Variants in PTH2R observed in about 807,000 individuals in gnomAD.
PTH2R encodes parathyroid hormone 2 receptor, also known as PTH2 receptor.
Under a neutral mutation model 60.3 loss-of-function variants are expected in PTH2R, and 59 were observed. The ratio of observed to expected loss-of-function variants is 0.98; its 90% CI spans 0.79 to 1.22. PTH2R has a LOEUF of 1.22. Ranked by LOEUF, PTH2R falls within the 50% of genes most tolerant of loss-of-function variation. The pLI is 0.00. For missense variants in PTH2R, 749 were observed against 682.6 expected, an observed-to-expected ratio of 1.10 and a Z score of -1.08; for synonymous variants, 256 against 243.8, an observed-to-expected ratio of 1.05 and a Z score of -0.47.
intron 1 of PTH2R, among the ~76,000 whole-genome samples, chr2:208,395,448 C>T (rs1701191566): frequency 6.6e-6 from 1 of 152,128 alleles, no homozygotes. Flanking sequence ...GTGGTGTTGG[C>T]TTAGAAATAT....
At chr2:208,438,537 C>CAT (rs1455601697) in intron 4 of PTH2R, among the ~76,000 whole-genome samples, 24 of 152,216 alleles carry the variant, frequency 1.6e-4, no homozygotes, top group African/African-American at 5.8e-4. Flanking sequence ...ATATAGAAAT[C>CAT]ATATATAAAC....
intron 2 of PTH2R, among the ~76,000 whole-genome samples, chr2:208,434,672 T>G (rs1159757992): frequency 6.6e-6 from 1 of 152,174 alleles, no homozygotes; most frequent in Non-Finnish European, 1.5e-5. Context: ...CAGGTCCAAT[T>G]TATGTAATTA....
chr2:208,480,982 T>G (rs1054564978), intron 9 of PTH2R, 88 bp from the exon 10 acceptor site: 17 of 980,908 alleles, frequency 1.7e-5, no homozygotes, highest in Non-Finnish European at 2.3e-5. Context: ...TTTTCTTATT[T>G]GAATGGAAAA....
chr2:208,450,880 C>G (rs1702393816), intron 8 of PTH2R, 71 bp downstream of exon 8: 1 of 1,506,572 alleles, frequency 6.6e-7, no homozygotes, highest in African/African-American at 1.4e-5. Context: ...GCTCAGAATT[C>G]ACACTCGCTT....
Position 208,493,817 on chromosome 2 carries a change from C to A in PTH2R, c.*158C>A. On this transcript the variant is annotated 3_prime_UTR_variant, in exon 13 of 13. Coordinates refer to ENST00000272847, the MANE Select transcript of PTH2R (RefSeq NM_005048.4). ...CTCCATGAATTGGCTCCTGTAAATA[C>A]TAACGACATGAAAATGCAAGTGTCA... 1 of 696,300 alleles carries A rather than the reference C, an allele frequency of 1.4e-6. No homozygotes were observed. The highest frequency in any genetic ancestry group is 2.2e-6 in the Non-Finnish European group (1 of 459,580). 43.1% of individuals were successfully genotyped at this position (696,300 alleles called of 1,614,324 possible). A position where few individuals can be genotyped will look rare whatever the true frequency, so the allele number is the denominator to read the frequency against.
intron 1 of PTH2R, among the ~76,000 whole-genome samples, chr2:208,386,681 T>A (rs1395990410): frequency 1.3e-5 from 2 of 152,214 alleles, no homozygotes; most frequent in African/African-American, 4.8e-5. Context: ...GTGAGAGCAG[T>A]CTTCCTCTTT....
At chr2:208,388,258 A>G (rs1701044272) in intron 1 of PTH2R, among the ~76,000 whole-genome samples, 1 of 151,672 alleles carries the variant, frequency 6.6e-6, no homozygotes, top group African/African-American at 2.4e-5. Context: ...TGGAGCTTGC[A>G]GTGAGTTGAG....
At chr2:208,488,740 G>T (rs530549571) in intron 10 of PTH2R, among the ~76,000 whole-genome samples, 15 of 152,224 alleles carry the variant, frequency 9.9e-5, no homozygotes, top group African/African-American at 3.4e-4. Flanking sequence ...ATTCAGGCAT[G>T]GTGGCAAGCA....
intron 10 of PTH2R, among the ~76,000 whole-genome samples, chr2:208,487,319 T>C (rs1010490434): frequency 6.6e-6 from 1 of 152,128 alleles, no homozygotes; most frequent in Non-Finnish European, 1.5e-5. Flanking sequence ...TGATCTGTAC[T>C]CACTCATACA....
chr2:208,370,442 CAAAAAAAAAAAAAAA>C (rs71041305), intron 1 of PTH2R, among the ~76,000 whole-genome samples: 4 of 61,684 alleles, frequency 6.5e-5, no homozygotes, highest in South Asian at 8.6e-4. Flanking sequence ...GACTCCGTCT[CAAAAAAAAAAAAAAA>C]AAAAAAAAAA....
rs145187183 is a variant in PTH2R at position 208,476,850 on chromosome 2, C to A, written c.982-4220C>A. Among the ~76,000 whole-genome samples, 66 of 152,214 alleles carry A rather than the reference C, an allele frequency of 4.3e-4. No homozygotes were observed. The Middle Eastern group carries it at 0.01, about 24-fold the overall frequency. On this transcript the variant is annotated intron_variant, in intron 9 of 12. Transcript: ENST00000272847. ...TTAGACAAGTGGATCCACTGAAGAA[C>A]CCCATAATTAGTCAGGATCTTCCCA...
At chr2:208,415,237 A>AT (rs1047332336) in intron 1 of PTH2R, among the ~76,000 whole-genome samples, 3 of 152,088 alleles carry the variant, frequency 2.0e-5, no homozygotes, top group Non-Finnish European at 1.5e-5. Flanking sequence ...ATATAAATAA[A>AT]TTTTTTTTCT....
chr2:208,490,696 C>G lies in PTH2R; in HGVS notation c.1257+16C>G. On this transcript the variant is annotated intron_variant, in intron 12 of 12. Coordinates refer to ENST00000272847, the MANE Select transcript of PTH2R (RefSeq NM_005048.4). ...CAATGGAGAGGTAGGTTTGTAGGAACCTTGGACAGGTCTCGCTTCAGCTTG... is the reference window on the plus strand; with the variant it reads ...CAATGGAGAGGTAGGTTTGTAGGAAGCTTGGACAGGTCTCGCTTCAGCTTG... The G allele has an allele frequency of 6.2e-7, 1 of 1,602,216 alleles. No individual in the cohort carries two copies. Among genetic ancestry groups the G allele is most frequent in the Non-Finnish European group, 8.5e-7 (1 of 1,176,476 alleles).
At chr2:208,486,702 T>G (rs941283379) in intron 10 of PTH2R, among the ~76,000 whole-genome samples, 1 of 152,230 alleles carries the variant, frequency 6.6e-6, no homozygotes, top group African/African-American at 2.4e-5. Flanking sequence ...CTCAGTGTCC[T>G]GCCCACATAG....
chr2:208,490,769 T>A, intron 12 of PTH2R, 89 bp downstream of exon 12: 1 of 1,290,028 alleles, frequency 7.8e-7, no homozygotes, highest in Non-Finnish European at 1.1e-6. Context: ...ATTTCCAGGA[T>A]TTCCAGGATG....
At chr2:208,465,672 G>T (rs1485842977) in intron 9 of PTH2R, among the ~76,000 whole-genome samples, 2 of 152,032 alleles carry the variant, frequency 1.3e-5, no homozygotes, top group Admixed American at 6.5e-5. Context: ...CAAAGTGCTG[G>T]AATTATAGGC....
intron 1 of PTH2R, among the ~76,000 whole-genome samples, chr2:208,377,901 G>T (rs1183875411): frequency 6.6e-6 from 1 of 151,608 alleles, no homozygotes; most frequent in African/African-American, 2.4e-5. Flanking sequence ...GGGCAGCCAG[G>T]CAGAGGGGCT....
chr2:208,462,918 G>T (rs1473967065), intron 9 of PTH2R, among the ~76,000 whole-genome samples: 2 of 152,198 alleles, frequency 1.3e-5, no homozygotes, highest in Non-Finnish European at 2.9e-5. Context: ...ACCTAATCTT[G>T]CAAGGGATGA....
upstream of PTH2R, among the ~76,000 whole-genome samples, chr2:208,402,569 T>C (rs1559209309): frequency 1.3e-5 from 2 of 152,204 alleles, no homozygotes; most frequent in Admixed American, 6.5e-5. Context: ...AACAACTAGA[T>C]TGACATTTTC....
Sources: gnomAD v4.1 joint callset for allele counts (sites outside exome capture counted in the v4.1 genomes callset) on GRCh38, gnomAD v4.1.1 for gene constraint, MANE v1.5 for transcripts, NCBI Gene and HGNC (gene_info 2026-07-23, HGNC 2026-07-21) for gene names.